The following PLPPR4 variants were observed in gnomAD, a reference collection of about 807,000 sequenced individuals.
PLPPR4 encodes phospholipid phosphatase-related protein type 4.
A neutral mutation model predicts 56.6 loss-of-function variants in PLPPR4; 24 were observed. That is an observed-to-expected ratio of 0.42 (90% CI 0.31 to 0.60). The LOEUF (loss-of-function observed/expected upper bound fraction) is 0.60. Ranked by LOEUF, PLPPR4 falls within the 20% of genes least tolerant of loss-of-function variation. PLPPR4 has a pLI of 0.13. For missense variants in PLPPR4, 654 were observed against 885.8 expected (o/e 0.74, Z 3.32); for synonymous variants, 326 against 328.1 (o/e 0.99, Z 0.07).
At chr1:99,305,621 T>C in intron 6 of PLPPR4, 64 bp from the exon 7 acceptor site, 9 of 1,532,816 alleles carry the variant, frequency 5.9e-6, no homozygotes, top group Non-Finnish European at 7.9e-6. Flanking sequence ...CAGTGGGTAC[T>C]CTAAGGAAAC....
chr1:99,264,448 G>A (rs1042539540), upstream of PLPPR4: 5 of 1,484,514 alleles, frequency 3.4e-6, no homozygotes, highest in Admixed American at 2.6e-5. Flanking sequence ...CGGGGGCGCT[G>A]CATGCAGCGC....
chr1:99,263,572 A>G (rs921513832), upstream of PLPPR4, among the ~76,000 whole-genome samples: 4 of 152,164 alleles, frequency 2.6e-5, no homozygotes, highest in Admixed American at 2.0e-4. Context: ...TATTAGTATA[A>G]TATCATGTCT....
chr1:99,273,045 T>C (rs1454143352), intron 1 of PLPPR4, among the ~76,000 whole-genome samples: 2 of 152,114 alleles, frequency 1.3e-5, no homozygotes, highest in Non-Finnish European at 2.9e-5. Context: ...AGCTGAGAAA[T>C]GTATTTACAG....
chr1:99,270,156 G>A (rs1376428293), intron 1 of PLPPR4, among the ~76,000 whole-genome samples: 8 of 151,718 alleles, frequency 5.3e-5, no homozygotes, highest in Non-Finnish European at 8.8e-5. Context: ...TCCTGAGTAC[G>A]TGGGACTACA....
At chr1:99,289,757 A>T (rs1570916891) in intron 2 of PLPPR4, among the ~76,000 whole-genome samples, 1 of 152,154 alleles carries the variant, frequency 6.6e-6, no homozygotes, top group East Asian at 1.9e-4. Context: ...CCTTCATGTT[A>T]AAAACTCTCA....
chr1:99,268,855 G>A (rs1658976648), intron 1 of PLPPR4, among the ~76,000 whole-genome samples: 2 of 152,156 alleles, frequency 1.3e-5, no homozygotes, highest in Admixed American at 6.5e-5. Flanking sequence ...TACACTGCAA[G>A]TGATGGCTGT....
At chr1:99,274,393 G>T (rs1473795626) in intron 1 of PLPPR4, among the ~76,000 whole-genome samples, 2 of 151,970 alleles carry the variant, frequency 1.3e-5, no homozygotes, top group Non-Finnish European at 2.9e-5. Flanking sequence ...AATTTTCTCT[G>T]TCCCATTTAC....
intron 2 of PLPPR4, among the ~76,000 whole-genome samples, chr1:99,294,821 G>T (rs1659704191): frequency 6.6e-6 from 1 of 151,832 alleles, no homozygotes; most frequent in African/African-American, 2.4e-5. Context: ...CAACACTCAT[G>T]GACAAGATGT....
chr1:99,308,791 C>T lies in PLPPR4; in HGVS notation c.*1781C>T, dbSNP rs1426717443. 6.6e-6 allele frequency: 1 copy of T among 152,536 alleles called. No homozygotes were observed. The highest frequency in any genetic ancestry group is 1.5e-5 in the Non-Finnish European group (1 of 68,048). The allele number at this position is 152,536 out of a possible 1,614,324, so 9.4% of individuals were successfully genotyped here. On this transcript the variant is annotated 3_prime_UTR_variant, in exon 7 of 7. Coordinates refer to ENST00000370185, the MANE Select transcript of PLPPR4 (RefSeq NM_014839.5). ...TCAACCATATCCCTTCTGGCAATTTCCTTCTCAGAGAGGGGAGTGGGAATA... is the reference window on the plus strand; with the variant it reads ...TCAACCATATCCCTTCTGGCAATTTTCTTCTCAGAGAGGGGAGTGGGAATA...
At chr1:99,284,423 A>T (rs887231557) in intron 1 of PLPPR4, among the ~76,000 whole-genome samples, 6 of 152,102 alleles carry the variant, frequency 3.9e-5, no homozygotes, top group South Asian at 2.1e-4. Context: ...TATGCTTTTT[A>T]AAAAATAAGA....
At chr1:99,266,488 T>C (rs533645002) in intron 1 of PLPPR4, among the ~76,000 whole-genome samples, 13 of 152,362 alleles carry the variant, frequency 8.5e-5, no homozygotes, top group African/African-American at 3.1e-4. Context: ...ATTTTAAAAG[T>C]ACAAGTGCCT....
intron 4 of PLPPR4, 59 bp downstream of exon 4, chr1:99,299,289 G>A: frequency 8.7e-6 from 11 of 1,260,708 alleles, no homozygotes; most frequent in Non-Finnish European, 1.3e-5. Flanking sequence ...ATTGCTGCTT[G>A]GAGTATCACT....
At chr1:99,269,615 A>G (rs11166204) in intron 1 of PLPPR4, among the ~76,000 whole-genome samples, 10,517 of 152,308 alleles carry the variant, frequency 0.069, 588 homozygotes, top group East Asian at 0.17. Context: ...TAAGCCTAAA[A>G]AAATATAAAT....
chr1:99,285,848 G>A (rs116421143), intron 1 of PLPPR4, among the ~76,000 whole-genome samples: 1 of 152,120 alleles, frequency 6.6e-6, no homozygotes, highest in African/African-American at 2.4e-5. Flanking sequence ...GCAGTTCTTT[G>A]AGTGTTATGT....
chr1:99,297,741 A>G (rs1659778160), intron 3 of PLPPR4, among the ~76,000 whole-genome samples: 1 of 152,130 alleles, frequency 6.6e-6, no homozygotes, highest in African/African-American at 2.4e-5. Flanking sequence ...TTACCATCAC[A>G]TTGAGATGAT....
chr1:99,301,423 G>A (rs1659881477), intron 5 of PLPPR4, among the ~76,000 whole-genome samples: 1 of 151,998 alleles, frequency 6.6e-6, no homozygotes, highest in African/African-American at 2.4e-5. Context: ...AATAGTCCGT[G>A]AAGTCTTTCC....
chr1:99,279,176 A>C (rs1185130847), intron 1 of PLPPR4, among the ~76,000 whole-genome samples: 1 of 152,208 alleles, frequency 6.6e-6, no homozygotes, highest in Non-Finnish European at 1.5e-5. Flanking sequence ...TCTGCTCTCA[A>C]GGATCTTGTC....
chr1:99,293,205 G>A (rs1182791033), intron 2 of PLPPR4, among the ~76,000 whole-genome samples: 2 of 152,032 alleles, frequency 1.3e-5, no homozygotes, highest in Admixed American at 6.6e-5. Flanking sequence ...TAAAAAGATC[G>A]GCTGATTTGT....
At chr1:99,266,628 G>A (rs2100780435) in intron 1 of PLPPR4, among the ~76,000 whole-genome samples, 1 of 152,298 alleles carries the variant, frequency 6.6e-6, no homozygotes, top group Non-Finnish European at 1.5e-5. Context: ...GAATTCCTTA[G>A]CAGGGCAAGC....
Sources: gnomAD v4.1 joint callset for allele counts (sites outside exome capture counted in the v4.1 genomes callset) on GRCh38, gnomAD v4.1.1 for gene constraint, MANE v1.5 for transcripts, NCBI Gene and HGNC (gene_info 2026-07-23, HGNC 2026-07-21) for gene names.